GABRG3: variants seen among roughly 807,000 people sequenced by gnomAD.
The protein encoded by GABRG3 is gamma-aminobutyric acid receptor subunit gamma-3.
GABRG3 carries 25 observed loss-of-function variants against 48.8 expected under a neutral mutation model. The ratio of observed to expected loss-of-function variants is 0.51; its 90% CI spans 0.37 to 0.72. GABRG3 has a LOEUF of 0.72. GABRG3 is among the 30% of genes least tolerant of loss of function. The probability of loss-of-function intolerance (pLI) is 0.00; values close to 1 mark genes in which losing one functional copy is unlikely to be tolerated. For missense variants in GABRG3, 394 were observed against 577.9 expected, an observed-to-expected ratio of 0.68 and a Z score of 3.26; for synonymous variants, 227 against 217.6, an observed-to-expected ratio of 1.04 and a Z score of -0.38.
At position 27,177,749 on chromosome 15, in the gene GABRG3, A is replaced by G. The variant is rs145965421; in HGVS notation, c.271-149060A>G. Among the ~76,000 whole-genome samples the G allele has an allele frequency of 1.1e-3, 175 of 152,348 alleles. 2 individuals are homozygous for G. The highest frequency in any genetic ancestry group is 6.8e-3 in the Middle Eastern group (2 of 294). ...CAAAATAGCCTCAGAGACTGAGTCAAAGAAAACCAGAGCTGGGCAGTGGTG... is the reference window on the plus strand; with the variant it reads ...CAAAATAGCCTCAGAGACTGAGTCAGAGAAAACCAGAGCTGGGCAGTGGTG... On this transcript the variant is annotated intron_variant, in intron 3 of 9. Transcript: ENST00000615808.
intron 5 of GABRG3, among the ~76,000 whole-genome samples, chr15:27,408,650 G>T (rs551002163): frequency 3.2e-4 from 48 of 152,314 alleles, no homozygotes; most frequent in African/African-American, 1.2e-3. Context: ...GAGACTTCCA[G>T]TGTGGTGTTT....
At chr15:27,156,298 C>CAAAAAAAAAAAAAA (rs34055206) in intron 3 of GABRG3, among the ~76,000 whole-genome samples, 1 of 78,122 alleles carries the variant, frequency 1.3e-5, no homozygotes, top group African/African-American at 5.1e-5. Context: ...CACTCTGTCT[C>CAAAAAAAAAAAAAA]AAAAAAAAAA....
At chr15:27,491,204 G>A (rs1890346083) in intron 6 of GABRG3, among the ~76,000 whole-genome samples, 1 of 152,348 alleles carries the variant, frequency 6.6e-6, no homozygotes, top group South Asian at 2.1e-4. Flanking sequence ...CAGTGGCACA[G>A]CATCAGCCCC....
chr15:27,306,686 G>GTTTATATATAAACATATACAATATA (rs1892502650), intron 3 of GABRG3, among the ~76,000 whole-genome samples: 1 of 31,452 alleles, frequency 3.2e-5, no homozygotes, highest in African/African-American at 1.3e-4. Flanking sequence ...ACATATATAT[G>GTTTATATATAAACATATACAATATA]AACATGTTTA....
intron 2 of GABRG3, among the ~76,000 whole-genome samples, chr15:27,004,857 A>C (rs1205651118): frequency 1.3e-5 from 2 of 152,158 alleles, no homozygotes; most frequent in African/African-American, 4.8e-5. Context: ...CCTACGACTG[A>C]TGACTGTGTG....
intron 6 of GABRG3, among the ~76,000 whole-genome samples, chr15:27,500,079 C>A (rs1330960484): frequency 6.6e-6 from 1 of 152,152 alleles, no homozygotes; most frequent in African/African-American, 2.4e-5. Context: ...TCATTTCTCT[C>A]TGCGTGGGGA....
intron 5 of GABRG3, among the ~76,000 whole-genome samples, chr15:27,348,155 C>CAAAAAAAAACAAAAAAAAAAAAAAAAA (rs535295684): frequency 9.7e-6 from 1 of 102,990 alleles, no homozygotes; most frequent in Admixed American, 1.2e-4. Context: ...GACTCCATCT[C>CAAAAAAAAACAAAAAAAAAAAAAAAAA]AAATAAATAA....
At chr15:27,012,773 A>G (rs940970966) in intron 2 of GABRG3, among the ~76,000 whole-genome samples, 3 of 152,176 alleles carry the variant, frequency 2.0e-5, no homozygotes, top group African/African-American at 7.2e-5. Context: ...CGTTTCACGC[A>G]CTGTGATTTA....
intron 3 of GABRG3, among the ~76,000 whole-genome samples, chr15:27,246,172 G>A (rs1254857572): frequency 6.6e-6 from 1 of 152,132 alleles, no homozygotes; most frequent in Non-Finnish European, 1.5e-5. Flanking sequence ...ATTTGGAGGA[G>A]GCAGATATCC....
chr15:27,290,392 A>G (rs1891756667), intron 3 of GABRG3, among the ~76,000 whole-genome samples: 1 of 151,996 alleles, frequency 6.6e-6, no homozygotes, highest in Non-Finnish European at 1.5e-5. Context: ...ATTTTCTTTT[A>G]AAGAATGGAA....
intron 3 of GABRG3, among the ~76,000 whole-genome samples, chr15:27,217,663 G>A (rs534087184): frequency 6.6e-6 from 1 of 152,322 alleles, no homozygotes; most frequent in South Asian, 2.1e-4. Flanking sequence ...ACACCAACGA[G>A]TATCATAGTT....
intron 3 of GABRG3, among the ~76,000 whole-genome samples, chr15:27,054,993 A>G (rs1017364): frequency 0.15 from 21,615 of 145,662 alleles, 1,981 homozygotes; most frequent in East Asian, 0.25. Flanking sequence ...TTACAGCCCA[A>G]GGGCCAAGAC....
At chr15:27,393,035 T>C (rs1014527984) in intron 5 of GABRG3, among the ~76,000 whole-genome samples, 8 of 152,124 alleles carry the variant, frequency 5.3e-5, no homozygotes, top group African/African-American at 1.9e-4. Context: ...TTCATTTCAG[T>C]AGAGAACGGT....
chr15:27,382,124 C>T (rs1439002116), intron 5 of GABRG3, among the ~76,000 whole-genome samples: 1 of 152,148 alleles, frequency 6.6e-6, no homozygotes, highest in Non-Finnish European at 1.5e-5. Context: ...CGTCTCTAAG[C>T]TTCTACACTC....
intron 5 of GABRG3, among the ~76,000 whole-genome samples, chr15:27,396,377 T>A (rs1256847257): frequency 6.6e-6 from 1 of 152,164 alleles, no homozygotes; most frequent in Non-Finnish European, 1.5e-5. Context: ...AAAAGGTATA[T>A]AAATGTCAGA....
intron 5 of GABRG3, among the ~76,000 whole-genome samples, chr15:27,442,209 G>A (rs1888809395): frequency 6.6e-6 from 1 of 152,110 alleles, no homozygotes; most frequent in South Asian, 2.1e-4. Flanking sequence ...CGGGCTCTTG[G>A]TCTCAGCTCC....
At chr15:27,267,128 C>G (rs1595624350) in intron 3 of GABRG3, among the ~76,000 whole-genome samples, 1 of 119,022 alleles carries the variant, frequency 8.4e-6, no homozygotes, top group Non-Finnish European at 1.7e-5. Context: ...TTTTTTGAGA[C>G]AGAGTTTTGC....
At chr15:27,492,448 C>A (rs1390657834) in intron 6 of GABRG3, among the ~76,000 whole-genome samples, 2 of 152,192 alleles carry the variant, frequency 1.3e-5, no homozygotes, top group African/African-American at 4.8e-5. Flanking sequence ...AGGGTGACTG[C>A]AGCAGCTGCC....
At chr15:27,312,954 T>G (rs1893046329) in intron 3 of GABRG3, among the ~76,000 whole-genome samples, 1 of 150,638 alleles carries the variant, frequency 6.6e-6, no homozygotes, top group Non-Finnish European at 1.5e-5. Context: ...ACTAAAAATG[T>G]GTTTATGGGT....
Sources: gnomAD v4.1 joint callset for allele counts (sites outside exome capture counted in the v4.1 genomes callset) on GRCh38, gnomAD v4.1.1 for gene constraint, MANE v1.5 for transcripts, NCBI Gene and HGNC (gene_info 2026-07-23, HGNC 2026-07-21) for gene names.